ALOX5: variants seen among roughly 807,000 people sequenced by gnomAD.
ALOX5 encodes polyunsaturated fatty acid 5-lipoxygenase.
Under a neutral mutation model 87.9 loss-of-function variants are expected in ALOX5, and 64 were observed. That is an observed-to-expected ratio of 0.73 (90% CI 0.60 to 0.90). The LOEUF is 0.90. ALOX5 is among the 40% of genes least tolerant of loss of function. ALOX5 has a pLI of 0.00. For missense variants in ALOX5, 822 were observed against 907.5 expected, an observed-to-expected ratio of 0.91 and a Z score of 1.21; for synonymous variants, 388 against 355.1, an observed-to-expected ratio of 1.09 and a Z score of -1.04.
At chr10:45,408,854 G>T (rs1452566167) in intron 3 of ALOX5, among the ~76,000 whole-genome samples, 2 of 152,158 alleles carry the variant, frequency 1.3e-5, no homozygotes, top group Non-Finnish European at 2.9e-5. Context: ...TGGGTTACAT[G>T]TTCTTCTATT....
chr10:45,384,776 G>A (rs551378277), intron 2 of ALOX5, among the ~76,000 whole-genome samples: 1 of 151,574 alleles, frequency 6.6e-6, no homozygotes, highest in South Asian at 2.1e-4. Context: ...CGGGGGTGGG[G>A]GTGGGGATGC....
chr10:45,428,822 C>T, intron 7 of ALOX5, 58 bp downstream of exon 7: 1 of 1,597,174 alleles, frequency 6.3e-7, no homozygotes, highest in South Asian at 1.1e-5. Flanking sequence ...ATCCAGGGCT[C>T]CTGGGTGGCT....
intron 7 of ALOX5, among the ~76,000 whole-genome samples, chr10:45,439,487 T>C (rs928289615): frequency 6.6e-6 from 1 of 152,180 alleles, no homozygotes; most frequent in Non-Finnish European, 1.5e-5. Flanking sequence ...CATGTCTTCA[T>C]GTAAAAATGG....
intron 6 of ALOX5, among the ~76,000 whole-genome samples, chr10:45,427,812 C>T (rs1316064213): frequency 7.9e-5 from 12 of 152,202 alleles, no homozygotes; most frequent in Admixed American, 5.2e-4. Context: ...GGCCGCCCGC[C>T]TCCCACTTCA....
Position 45,443,838 on chromosome 10 carries a change from G to C in ALOX5, c.1674+10G>C. ...GGTCAACTTCGGCCAGGTAGGCAGG[G>C]CCGGGCCCGCTGGGCAGGGCTCCCT... On this transcript the variant is annotated intron_variant, in intron 12 of 13. Transcript: ENST00000374391. 2 of 1,593,316 alleles carry C rather than the reference G, an allele frequency of 1.3e-6. No individual in the cohort carries two copies. Among genetic ancestry groups the C allele is most frequent in the Non-Finnish European group, 1.7e-6 (2 of 1,170,758 alleles).
chr10:45,381,324 C>G (rs1839819270), intron 1 of ALOX5, among the ~76,000 whole-genome samples: 1 of 152,370 alleles, frequency 6.6e-6, no homozygotes, highest in Admixed American at 6.5e-5. Flanking sequence ...GCAAATGTCC[C>G]AGGACGACTC....
At chr10:45,385,905 G>A (rs1839990733) in intron 2 of ALOX5, among the ~76,000 whole-genome samples, 2 of 152,234 alleles carry the variant, frequency 1.3e-5, no homozygotes, top group East Asian at 1.9e-4. Flanking sequence ...AACTAACTGC[G>A]TCCAGGTCTG....
At chr10:45,428,086 C>T (rs752929641) in intron 6 of ALOX5, among the ~76,000 whole-genome samples, 23 of 151,346 alleles carry the variant, frequency 1.5e-4, no homozygotes, top group African/African-American at 5.3e-4. Flanking sequence ...CCCCCCTCAA[C>T]CCCTGTAGAG....
intron 8 of ALOX5, 84 bp downstream of exon 8, chr10:45,440,717 C>T (rs1308490965): frequency 2.7e-6 from 4 of 1,466,402 alleles, no homozygotes; most frequent in Non-Finnish European, 3.7e-6. Context: ...CACAGGGGGA[C>T]CTGTGGCTGG....
intron 1 of ALOX5, among the ~76,000 whole-genome samples, chr10:45,380,033 C>G (rs1175637375): frequency 1.3e-5 from 2 of 152,206 alleles, no homozygotes; most frequent in Non-Finnish European, 2.9e-5. Context: ...AGTCCTGGGC[C>G]ACTCAGCCCC....
Position 45,428,675 on chromosome 10 carries a change from A to G in ALOX5, c.892A>G (p.Thr298Ala). The G allele has an allele frequency of 6.2e-7, 1 of 1,614,080 alleles. No homozygotes were observed. The highest frequency in any genetic ancestry group is 8.5e-7 in the Non-Finnish European group (1 of 1,180,020). The change falls in exon 7 of 14, where the codon ACA becomes GCA. Residue 298 changes from threonine to alanine, a missense_variant. Physicochemically the swap from Thr to Ala is moderately conservative, Grantham distance 58. Coordinates refer to ENST00000374391, the MANE Select transcript of ALOX5 (RefSeq NM_000698.5). ...GCTGGATGGCATCGATGCCAACAAA[A>G]CAGACCCCTGCACACTCCAGTTCCT... ...ELLDGIDANK[T>A]DPCTLQFLAA...
intron 3 of ALOX5, among the ~76,000 whole-genome samples, chr10:45,397,149 A>G (rs760823276): frequency 1.3e-5 from 2 of 152,178 alleles, no homozygotes; most frequent in African/African-American, 4.8e-5. Flanking sequence ...TTGGGAGGCC[A>G]AGGCGGGTGG....
At chr10:45,411,062 G>T (rs189055375) in intron 3 of ALOX5, among the ~76,000 whole-genome samples, 199 of 152,314 alleles carry the variant, frequency 1.3e-3, no homozygotes, top group Non-Finnish European at 5.3e-4. Context: ...AGGAACTGAA[G>T]GTTCCTCCCT....
At chr10:45,433,682 T>C (rs1488293299) in intron 7 of ALOX5, among the ~76,000 whole-genome samples, 2 of 152,226 alleles carry the variant, frequency 1.3e-5, no homozygotes, top group African/African-American at 4.8e-5. Flanking sequence ...GGGGTGGGCT[T>C]CCAGGTCATA....
chr10:45,440,276 G>A (rs1456967157), intron 7 of ALOX5, among the ~76,000 whole-genome samples, 154 bp from the exon 8 acceptor site: 1 of 152,122 alleles, frequency 6.6e-6, no homozygotes, highest in Non-Finnish European at 1.5e-5. Context: ...AAATACCACC[G>A]CAGGGCCCTT....
At chr10:45,377,833 G>C (rs1839680734) in intron 1 of ALOX5, among the ~76,000 whole-genome samples, 1 of 152,222 alleles carries the variant, frequency 6.6e-6, no homozygotes, top group Non-Finnish European at 1.5e-5. Context: ...CTGATAGAAA[G>C]CTCACATGAA....
intron 6 of ALOX5, among the ~76,000 whole-genome samples, chr10:45,426,973 T>C (rs1589034927): frequency 6.6e-6 from 1 of 152,320 alleles, no homozygotes; most frequent in East Asian, 1.9e-4. Flanking sequence ...TCACTGATTC[T>C]GTGAGCCAGT....
At chr10:45,444,030 G>A in intron 12 of ALOX5, 86 bp from the exon 13 acceptor site, 1 of 1,463,392 alleles carries the variant, frequency 6.8e-7, no homozygotes, top group East Asian at 2.5e-5. Context: ...GCTGGAGTTG[G>A]GGGGCACGGG....
chr10:45,377,107 G>T (rs560267581), intron 1 of ALOX5, among the ~76,000 whole-genome samples: 1 of 152,292 alleles, frequency 6.6e-6, no homozygotes, highest in South Asian at 2.1e-4. Flanking sequence ...CAATAGCGTG[G>T]TGTTTAATAT....
Sources: allele counts gnomAD v4.1 joint callset (sites outside exome capture counted in the v4.1 genomes callset), GRCh38; gene constraint gnomAD v4.1.1; transcripts MANE v1.5; gene names NCBI Gene and HGNC (gene_info 2026-07-23, HGNC 2026-07-21).